NARS2: variants seen among roughly 807,000 people sequenced by gnomAD.
NARS2 encodes the protein asparaginyl-tRNA synthetase 2, mitochondrial, also known as asparaginyl-tRNA synthetase.
Under a neutral mutation model 62.9 loss-of-function variants are expected in NARS2, and 60 were observed. The ratio of observed to expected loss-of-function variants is 0.95; its 90% CI spans 0.77 to 1.18. The LOEUF is 1.18. Ranked by LOEUF, NARS2 falls within the 50% of genes most tolerant of loss-of-function variation. The pLI is 0.00. For synonymous variants in NARS2, 196 were observed against 200.0 expected (o/e 0.98, Z 0.17); for missense variants, 619 against 576.4 (o/e 1.07, Z -0.76).
At chr11:78,541,774 T>C (rs1418707807) in intron 5 of NARS2, among the ~76,000 whole-genome samples, 3 of 152,168 alleles carry the variant, frequency 2.0e-5, no homozygotes, top group Non-Finnish European at 4.4e-5. Context: ...CTCCAAAGAT[T>C]TGTGGGTTGG....
intron 6 of NARS2, among the ~76,000 whole-genome samples, chr11:78,493,486 A>C (rs144245126): frequency 1.4e-4 from 21 of 152,208 alleles, no homozygotes; most frequent in Non-Finnish European, 2.1e-4. Context: ...GTGAAAATTT[A>C]TCTCTACAAA....
At chr11:78,457,242 T>C (rs1858199165) in intron 11 of NARS2, among the ~76,000 whole-genome samples, 1 of 152,254 alleles carries the variant, frequency 6.6e-6, no homozygotes, top group African/African-American at 2.4e-5. Flanking sequence ...TTACTATTTA[T>C]TACCCTCTGG....
intron 5 of NARS2, among the ~76,000 whole-genome samples, chr11:78,537,494 GA>G (rs1855402535): frequency 6.6e-6 from 1 of 152,144 alleles, no homozygotes; most frequent in Non-Finnish European, 1.5e-5. Flanking sequence ...AGAATTAGAT[GA>G]TAAAACCAGT....
intron 7 of NARS2, among the ~76,000 whole-genome samples, chr11:78,487,963 T>C (rs1859647776): frequency 6.6e-6 from 1 of 152,138 alleles, no homozygotes; most frequent in Admixed American, 6.5e-5. Context: ...TGAAGCAAAG[T>C]GACCCCAGAA....
chr11:78,523,343 C>A (rs915235840), intron 6 of NARS2, among the ~76,000 whole-genome samples: 1 of 152,198 alleles, frequency 6.6e-6, no homozygotes, highest in Non-Finnish European at 1.5e-5. Flanking sequence ...TGTGGAGAAA[C>A]TGGAATGCTT....
chr11:78,456,075 A>G (rs1416837747), intron 11 of NARS2, among the ~76,000 whole-genome samples: 1 of 152,156 alleles, frequency 6.6e-6, no homozygotes, highest in African/African-American at 2.4e-5. Context: ...TAAGTGAGAC[A>G]ATATAAATAA....
intron 11 of NARS2, among the ~76,000 whole-genome samples, chr11:78,463,664 T>C (rs1434849002): frequency 4.5e-5 from 5 of 111,092 alleles, no homozygotes; most frequent in Admixed American, 2.8e-4. Flanking sequence ...CCAGCCTGGG[T>C]GACAAGAGTG....
chr11:78,539,333 T>C (rs2135456382), intron 5 of NARS2, among the ~76,000 whole-genome samples: 1 of 152,112 alleles, frequency 6.6e-6, no homozygotes, highest in East Asian at 1.9e-4. Context: ...GACGGATAAA[T>C]TAGATGTGAG....
At chr11:78,549,480 T>C (rs1590849499) in intron 5 of NARS2, among the ~76,000 whole-genome samples, 1 of 152,180 alleles carries the variant, frequency 6.6e-6, no homozygotes, top group African/African-American at 2.4e-5. Context: ...ATAGTGGTGG[T>C]TGTGATGAAA....
At chr11:78,444,930 A>T (rs1007495698) in intron 11 of NARS2, among the ~76,000 whole-genome samples, 6 of 152,222 alleles carry the variant, frequency 3.9e-5, no homozygotes, top group African/African-American at 1.4e-4. Context: ...TGACTCAGCA[A>T]GCAGTTCAAG....
intron 9 of NARS2, among the ~76,000 whole-genome samples, chr11:78,477,131 T>A (rs547054201): frequency 3.9e-5 from 6 of 152,172 alleles, no homozygotes; most frequent in African/African-American, 1.4e-4. Flanking sequence ...GCTGGAAAAC[T>A]AAGATCCTTC....
At chr11:78,573,233 C>T (rs991379635) in intron 1 of NARS2, 1 of 152,140 alleles carries the variant, frequency 6.6e-6, no homozygotes, top group African/African-American at 2.4e-5. Context: ...AGAACCTACT[C>T]AAAAAATAAG....
At chr11:78,457,893 A>G (rs946434828) in intron 11 of NARS2, among the ~76,000 whole-genome samples, 51 of 152,188 alleles carry the variant, frequency 3.4e-4, no homozygotes, top group Non-Finnish European at 6.6e-4. Flanking sequence ...AGGCACAGAT[A>G]AATATTGCAT....
At chr11:78,446,380 C>G (rs868273168) in intron 11 of NARS2, among the ~76,000 whole-genome samples, 4 of 152,200 alleles carry the variant, frequency 2.6e-5, no homozygotes, top group African/African-American at 7.2e-5. Flanking sequence ...ATTAATATGG[C>G]TGGGCTCTAA....
In NARS2 at chr11:78,436,803, A is replaced by T; in HGVS notation, c.1301T>A (p.Leu434His). The T allele has an allele frequency of 1.2e-6, 2 of 1,614,124 alleles. No individual in the cohort carries two copies. Among genetic ancestry groups the T allele is most frequent in the Non-Finnish European group, 8.5e-7 (1 of 1,179,970 alleles). The change falls in exon 14 of 14, where the codon CTT becomes CAT. Residue 434 changes from leucine to histidine, a missense_variant. Physicochemically the swap from Leu to His is moderately conservative, Grantham distance 99. Transcript: ENST00000281038. ...LTEVYQWYLD[L>H]RRFGSVPHGG... ...ATGTGGCACAGATCCAAATCGACGA[A>T]GGTCCAGATACCTGTTTTTCAAAAA...
Position 78,538,314 on chromosome 11 carries a change from G to A in NARS2, c.595-9378C>T, listed in dbSNP as rs542049310. On this transcript the variant is annotated intron_variant, in intron 5 of 13. Coordinates refer to ENST00000281038, the MANE Select transcript of NARS2 (RefSeq NM_024678.6). ...AAAAATGACCCTTCTCTGCATTTCC[G>A]TGATAATCTGTATATACACCTCATT... is the stretch of plus-strand genomic sequence containing the variant. Among the ~76,000 whole-genome samples the A allele has an allele frequency of 6.6e-4, 100 of 152,146 alleles. 1 individual carries two copies. Among genetic ancestry groups the A allele is most frequent in the African/African-American group, 2.3e-3 (96 of 41,498 alleles).
intron 11 of NARS2, among the ~76,000 whole-genome samples, chr11:78,447,107 C>T (rs2135151353): frequency 6.6e-6 from 1 of 150,500 alleles, no homozygotes; most frequent in East Asian, 1.9e-4. Flanking sequence ...CTCAAAATCA[C>T]TAATTATTAA....
Position 78,441,787 on chromosome 11 carries a change from A to G in NARS2, c.1263-670T>C, listed in dbSNP as rs562727154. On this transcript the variant is annotated intron_variant, in intron 12 of 13. Coordinates refer to ENST00000281038, the MANE Select transcript of NARS2 (RefSeq NM_024678.6). Reference sequence around the variant, plus strand: ...GGAGGCACACACAGACAAGGGACACAGAGATATAACTTTCATTCTTCAACA... The same window carrying G: ...GGAGGCACACACAGACAAGGGACACGGAGATATAACTTTCATTCTTCAACA... 7.2e-5 allele frequency among the ~76,000 whole-genome samples: 11 copies of G among 152,258 alleles called. No homozygotes were observed. The South Asian group carries it at 2.3e-3, about 32-fold the overall frequency.
chr11:78,465,199 G>A (rs891141428), intron 11 of NARS2, among the ~76,000 whole-genome samples: 3 of 152,198 alleles, frequency 2.0e-5, no homozygotes, highest in Admixed American at 6.5e-5. Context: ...CCCGGAGCAG[G>A]TGGGGCCCGC....
Sources: gnomAD v4.1 joint callset for allele counts (sites outside exome capture counted in the v4.1 genomes callset) on GRCh38, gnomAD v4.1.1 for gene constraint, MANE v1.5 for transcripts, NCBI Gene and HGNC (gene_info 2026-07-23, HGNC 2026-07-21) for gene names.